CD274: variants seen among roughly 807,000 people sequenced by gnomAD.
CD274 encodes the protein CD274 molecule.
In CD274, 8 loss-of-function variants were observed where a neutral mutation model predicts 30.1. The observed-to-expected ratio is 0.27, with a 90% CI of 0.16 to 0.48. The LOEUF is 0.48. Ranked by LOEUF, CD274 falls within the 20% of genes least tolerant of loss-of-function variation. The probability of loss-of-function intolerance (pLI) is 0.99; values close to 1 mark genes in which losing one functional copy is unlikely to be tolerated. For synonymous variants in CD274, 152 were observed against 124.6 expected, an observed-to-expected ratio of 1.22 and a Z score of -1.46; for missense variants, 353 against 346.6, an observed-to-expected ratio of 1.02 and a Z score of -0.15.
At chr9:5,464,020 A>C (rs1180285129) in intron 4 of CD274, among the ~76,000 whole-genome samples, 1 of 152,196 alleles carries the variant, frequency 6.6e-6, no homozygotes, top group Non-Finnish European at 1.5e-5. Context: ...ACATGTTGAT[A>C]GGAAAATGCC....
At chr9:5,451,064 C>T (rs567593368) in intron 1 of CD274, among the ~76,000 whole-genome samples, 1 of 152,294 alleles carries the variant, frequency 6.6e-6, no homozygotes, top group East Asian at 1.9e-4. Context: ...TTTATTTGCT[C>T]TGTCCATTCT....
chr9:5,456,085 GT>G lies in CD274; in HGVS notation c.-14-11del. Reference sequence around the variant, plus strand: ...TTAAGTGAAGCAGTCTTCTTTTCGTGTTTTCCATAATTAGGGCATTCCAGAA... The same window carrying G: ...TTAAGTGAAGCAGTCTTCTTTTCGTGTTTCCATAATTAGGGCATTCCAGAA... On this transcript the variant is annotated splice_polypyrimidine_tract_variant and intron_variant, in intron 1 of 6. Transcript: ENST00000381577. 1 of 1,498,956 alleles carries G rather than the reference GT, an allele frequency of 6.7e-7. No homozygotes were observed. The allele number at this position is 1,498,956 out of a possible 1,614,324, so 92.9% of individuals were successfully genotyped here. A position where few individuals can be genotyped will look rare whatever the true frequency, so the allele number is the denominator to read the frequency against.
rs1819503388 is a variant in CD274, at chr9:5,466,763, T to C, written c.791-7T>C. 1 of 1,608,168 alleles carries C rather than the reference T, an allele frequency of 6.2e-7. No individual in the cohort carries two copies. On this transcript the variant is annotated splice_region_variant and splice_polypyrimidine_tract_variant and intron_variant, in intron 5 of 6. Transcript: ENST00000381577. ...TATGGAAATAAAAATGATTTCTTTT[T>C]CTCAAGGGAGAATGATGGATGTGAA...
rs1299844226 is a variant in CD274 at position 5,462,820 on chromosome 9, TG to T, written c.395-13del. 5 of 1,605,142 alleles carry T rather than the reference TG, an allele frequency of 3.1e-6. No homozygotes were observed. The Admixed American group carries it at 8.5e-5, about 27-fold the overall frequency. On this transcript the variant is annotated splice_polypyrimidine_tract_variant and intron_variant, in intron 3 of 6. Coordinates refer to ENST00000381577, the MANE Select transcript of CD274 (RefSeq NM_014143.4). Reference sequence around the variant, plus strand: ...CTCAGCAAAAGCCCTGACTTCTTTTTGTTTATGTCCTAGCCCCATACAACAA... The same window carrying T: ...CTCAGCAAAAGCCCTGACTTCTTTTTTTTATGTCCTAGCCCCATACAACAA...
At position 5,465,514 on chromosome 9, in the gene CD274, A is replaced by T. The variant is rs61752860; in HGVS notation, c.698A>T (p.His233Leu). ...ELVIPELPLA[H>L]PPNERTHLVI... ...TGTTTTTCAGAACTACCTCTGGCAC[A>T]TCCTCCAAATGAAAGGACTCACTTG... is the stretch of plus-strand genomic sequence containing the variant. Residue 233 changes from histidine to leucine, a missense_variant, in exon 5 of 7, where the codon CAT (histidine) becomes CTT (leucine). By Grantham distance (99) the His-to-Leu change is moderately conservative. Transcript: ENST00000381577. The T allele has an allele frequency of 2.1e-4, 344 of 1,608,012 alleles. 1 individual carries two copies. Among genetic ancestry groups the T allele is most frequent in the Non-Finnish European group, 2.8e-4 (327 of 1,174,624 alleles).
At chr9:5,459,103 T>G (rs1411263) in intron 3 of CD274, among the ~76,000 whole-genome samples, 1 of 152,088 alleles carries the variant, frequency 6.6e-6, no homozygotes, top group Non-Finnish European at 1.5e-5. Context: ...ATAATATCCC[T>G]TGTGTATCTG....
At chr9:5,465,043 C>T (rs140009874) in intron 4 of CD274, among the ~76,000 whole-genome samples, 296 of 149,808 alleles carry the variant, frequency 2.0e-3, no homozygotes, top group African/African-American at 5.8e-3. Flanking sequence ...GCCCAGATTG[C>T]GCCACTGCAC....
At chr9:5,456,026 C>A in intron 1 of CD274, 74 bp from the exon 2 acceptor site, 1 of 863,342 alleles carries the variant, frequency 1.2e-6, no homozygotes, top group Non-Finnish European at 2.0e-6. Flanking sequence ...TTAGAACCAC[C>A]AAGTCCCATA....
At chr9:5,456,969 A>G in intron 2 of CD274, 110 bp from the exon 3 acceptor site, 1 of 709,562 alleles carries the variant, frequency 1.4e-6, no homozygotes, top group Non-Finnish European at 2.3e-6. Context: ...GTTCTTAAAT[A>G]TAATGATAAC....
At chr9:5,460,360 G>C (rs1819382531) in intron 3 of CD274, among the ~76,000 whole-genome samples, 1 of 152,082 alleles carries the variant, frequency 6.6e-6, no homozygotes, top group Non-Finnish European at 1.5e-5. Flanking sequence ...CTGTGTGTTA[G>C]GCCCTGTACT....
intron 3 of CD274, among the ~76,000 whole-genome samples, chr9:5,460,998 G>C (rs1315557862): frequency 1.3e-5 from 2 of 152,090 alleles, no homozygotes; most frequent in Non-Finnish European, 2.9e-5. Flanking sequence ...CATTTTAAGA[G>C]GTTGAAATAA....
chr9:5,466,785 T>C lies in CD274; in HGVS notation c.806T>C (p.Val269Ala). 6.2e-7 allele frequency: 1 copy of C among 1,610,324 alleles called. No individual in the cohort carries two copies. The highest frequency in any genetic ancestry group is 8.5e-7 in the Non-Finnish European group (1 of 1,178,228). ...TTTTCTCAAGGGAGAATGATGGATGTGAAAAAATGTGGCATCCAAGATACA... is the reference window on the plus strand; with the variant it reads ...TTTTCTCAAGGGAGAATGATGGATGCGAAAAAATGTGGCATCCAAGATACA... ...FRLRKGRMMD[V>A]KKCGIQDTNS... Residue 269 changes from valine (V) to alanine (A), a missense_variant, in exon 6 of 7, where the codon GTG becomes GCG. Transcript: ENST00000381577.
At chr9:5,463,571 G>C (rs1819445560) in intron 4 of CD274, among the ~76,000 whole-genome samples, 1 of 152,130 alleles carries the variant, frequency 6.6e-6, no homozygotes, top group African/African-American at 2.4e-5. Flanking sequence ...CTCTTTCCAG[G>C]GTGGCAGGAA....
chr9:5,459,723 G>C (rs1363665351), intron 3 of CD274, among the ~76,000 whole-genome samples: 2 of 152,182 alleles, frequency 1.3e-5, no homozygotes, highest in African/African-American at 4.8e-5. Context: ...TCAATTAAAA[G>C]TGTTTTTCTT....
chr9:5,462,923 A>G lies in CD274; in HGVS notation c.484A>G (p.Lys162Glu), dbSNP rs1563804897. The change falls in exon 4 of 7, where the codon AAG becomes GAG. Residue 162 changes from lysine to glutamate, a missense_variant. Lys to Glu is a moderately conservative substitution (Grantham distance 56, BLOSUM62 1). Coordinates refer to ENST00000381577, the MANE Select transcript of CD274 (RefSeq NM_014143.4). ...GACATGTCAGGCTGAGGGCTACCCC[A>G]AGGCCGAAGTCATCTGGACAAGCAG... ...ELTCQAEGYP[K>E]AEVIWTSSDH... 1 of 1,614,066 alleles carries G rather than the reference A, an allele frequency of 6.2e-7. No homozygotes were observed. The highest frequency in any genetic ancestry group is 2.2e-5 in the East Asian group (1 of 44,884).
Position 5,466,832 on chromosome 9 carries a change from A to G in CD274, c.850+3A>G, listed in dbSNP as rs1819504540. On this transcript the variant is annotated splice_donor_region_variant and intron_variant, in intron 6 of 6. Coordinates refer to ENST00000381577, the MANE Select transcript of CD274 (RefSeq NM_014143.4). ...TACAAACTCAAAGAAGCAAAGTGGTAAGAATATCAGAAGGAATTGGGAAGT... is the reference window on the plus strand; with the variant it reads ...TACAAACTCAAAGAAGCAAAGTGGTGAGAATATCAGAAGGAATTGGGAAGT... The G allele has an allele frequency of 6.2e-7, 1 of 1,605,936 alleles. No individual in the cohort carries two copies. The highest frequency in any genetic ancestry group is 1.7e-5 in the Admixed American group (1 of 59,386).
At position 5,468,959 on chromosome 9, in the gene CD274, C is replaced by T. The variant is rs1819542137; in HGVS notation, c.*1097C>T. 4.3e-6 allele frequency: 1 copy of T among 233,056 alleles called. No individual in the cohort carries two copies. The highest frequency in any genetic ancestry group is 8.5e-6 in the Non-Finnish European group (1 of 117,944). 14.4% of individuals were successfully genotyped at this position (233,056 alleles called of 1,614,324 possible). ...ACAAAGTACCTGTCCTCAAGGAGCT[C>T]ATAGTATAATGAGGAGATTAACAAG... On this transcript the variant is annotated 3_prime_UTR_variant, in exon 7 of 7. Coordinates refer to ENST00000381577, the MANE Select transcript of CD274 (RefSeq NM_014143.4).
chr9:5,463,717 G>T (rs1430833593), intron 4 of CD274, among the ~76,000 whole-genome samples: 1 of 152,190 alleles, frequency 6.6e-6, no homozygotes, highest in Non-Finnish European at 1.5e-5. Flanking sequence ...GTGTGTCCCT[G>T]GGCAAATTAC....
intron 2 of CD274, 88 bp from the exon 3 acceptor site, chr9:5,456,991 G>C: frequency 1.2e-6 from 1 of 845,468 alleles, no homozygotes; most frequent in Non-Finnish European, 1.9e-6. Context: ...TAACCGACCA[G>C]ATAAAGTGAT....
Sources: allele counts gnomAD v4.1 joint callset (sites outside exome capture counted in the v4.1 genomes callset), GRCh38; gene constraint gnomAD v4.1.1; transcripts MANE v1.5; gene names NCBI Gene and HGNC (gene_info 2026-07-23, HGNC 2026-07-21).